FBXL7: variants seen among roughly 807,000 people sequenced by gnomAD.
The protein encoded by FBXL7 is F-box/LRR-repeat protein 7.
Under a neutral mutation model 38.3 loss-of-function variants are expected in FBXL7, and 12 were observed. That is an observed-to-expected ratio of 0.31 (90% CI 0.20 to 0.51). FBXL7 has a LOEUF of 0.51. FBXL7 is among the 20% of genes least tolerant of loss of function. FBXL7 has a pLI of 0.98. For synonymous variants in FBXL7, 297 were observed against 300.9 expected (o/e 0.99, Z 0.13); for missense variants, 567 against 676.4 (o/e 0.84, Z 1.79).
chr5:15,774,198 C>T (rs866231955), intron 2 of FBXL7, among the ~76,000 whole-genome samples: 12 of 151,972 alleles, frequency 7.9e-5, no homozygotes, highest in African/African-American at 2.9e-4. Context: ...TCCTATGATC[C>T]TTTTCTCACC....
intron 2 of FBXL7, among the ~76,000 whole-genome samples, chr5:15,784,297 T>G (rs2126724307): frequency 6.6e-6 from 1 of 152,234 alleles, no homozygotes; most frequent in Non-Finnish European, 1.5e-5. Flanking sequence ...GGTTTGAATT[T>G]TTGTTATTAT....
intron 2 of FBXL7, among the ~76,000 whole-genome samples, chr5:15,682,202 G>A (rs1209798120): frequency 6.6e-6 from 1 of 152,188 alleles, no homozygotes; most frequent in Admixed American, 6.5e-5. Context: ...TGAACTTGTG[G>A]CCTGCAAAAT....
intron 2 of FBXL7, among the ~76,000 whole-genome samples, chr5:15,759,948 A>C (rs1736395617): frequency 6.6e-6 from 1 of 152,224 alleles, no homozygotes; most frequent in Non-Finnish European, 1.5e-5. Context: ...AGTAAAACAA[A>C]GTATTTAACA....
At chr5:15,510,920 A>G (rs1224340288) in intron 1 of FBXL7, among the ~76,000 whole-genome samples, 1 of 152,180 alleles carries the variant, frequency 6.6e-6, no homozygotes, top group Non-Finnish European at 1.5e-5. Flanking sequence ...ACAGAAGCTT[A>G]GATGCCAACT....
chr5:15,561,772 A>G (rs946412598), intron 1 of FBXL7, among the ~76,000 whole-genome samples: 2 of 152,142 alleles, frequency 1.3e-5, no homozygotes, highest in African/African-American at 4.8e-5. Flanking sequence ...ATGGTATCTC[A>G]TTGCAGTTTT....
chr5:15,571,791 A>G (rs576922941), intron 1 of FBXL7, among the ~76,000 whole-genome samples: 15 of 152,032 alleles, frequency 9.9e-5, no homozygotes, highest in Non-Finnish European at 1.9e-4. Context: ...GCTTGCTCCC[A>G]TTGCAGAAGG....
intron 1 of FBXL7, among the ~76,000 whole-genome samples, chr5:15,581,482 G>C (rs1356891576): frequency 6.6e-6 from 1 of 152,144 alleles, no homozygotes; most frequent in Non-Finnish European, 1.5e-5. Context: ...CCTCTGTGAT[G>C]TGTTCAGCAT....
intron 2 of FBXL7, among the ~76,000 whole-genome samples, chr5:15,775,883 G>T (rs1003047455): frequency 1.3e-5 from 2 of 152,084 alleles, no homozygotes; most frequent in Non-Finnish European, 2.9e-5. Context: ...GAACACAGGG[G>T]AGCTTCTGGA....
chr5:15,512,988 C>T (rs1453436821), intron 1 of FBXL7, among the ~76,000 whole-genome samples: 1 of 152,098 alleles, frequency 6.6e-6, no homozygotes, highest in Non-Finnish European at 1.5e-5. Context: ...CTTTTAGATT[C>T]ATACTAATCA....
intron 2 of FBXL7, among the ~76,000 whole-genome samples, chr5:15,674,132 C>A (rs1390848110): frequency 6.6e-6 from 1 of 152,154 alleles, no homozygotes; most frequent in Admixed American, 6.5e-5. Context: ...AGCTTTGAAA[C>A]AGAAGTGTGA....
chr5:15,677,141 T>C (rs1203493007), intron 2 of FBXL7, among the ~76,000 whole-genome samples: 2 of 152,100 alleles, frequency 1.3e-5, no homozygotes, highest in African/African-American at 4.8e-5. Context: ...CTTTTTGGGG[T>C]AGAGAAGTAG....
At position 15,928,391 on chromosome 5, in the gene FBXL7, G is replaced by T; in HGVS notation, c.629G>T (p.Cys210Phe). The change falls in exon 3 of 4, where the codon TGC becomes TTC. Residue 210 changes from cysteine (C) to phenylalanine (F), a missense_variant. Coordinates refer to ENST00000504595, the MANE Select transcript of FBXL7 (RefSeq NM_012304.5). This position sits in a 1 kb window ranked among gnomAD's most constrained non-coding sequence, Gnocchi z 4.0. ...TDRGLYTIAQ[C>F]CPELRRLEVS... ...CGAGGGCTGTACACCATCGCCCAGT[G>T]CTGCCCCGAACTGAGGCGACTGGAA... 1 of 1,614,076 alleles carries T rather than the reference G, an allele frequency of 6.2e-7. No homozygotes were observed. The highest frequency in any genetic ancestry group is 1.3e-5 in the African/African-American group (1 of 75,074).
chr5:15,520,271 C>T (rs1737061867), intron 1 of FBXL7, among the ~76,000 whole-genome samples: 1 of 152,150 alleles, frequency 6.6e-6, no homozygotes, highest in Non-Finnish European at 1.5e-5. Context: ...CTTAGAATGC[C>T]TTAACCATCT....
At chr5:15,771,942 A>AT (rs895459131) in intron 2 of FBXL7, among the ~76,000 whole-genome samples, 8 of 151,234 alleles carry the variant, frequency 5.3e-5, no homozygotes, top group African/African-American at 1.7e-4. Flanking sequence ...TAATTTTTAT[A>AT]TTTTTTTTAG....
chr5:15,667,018 T>G (rs1431589331), intron 2 of FBXL7, among the ~76,000 whole-genome samples: 2 of 152,210 alleles, frequency 1.3e-5, no homozygotes, highest in East Asian at 3.9e-4. Flanking sequence ...GATTACTATG[T>G]GGTGAAAATT....
At chr5:15,739,118 A>G (rs1021629158) in intron 2 of FBXL7, among the ~76,000 whole-genome samples, 4 of 152,172 alleles carry the variant, frequency 2.6e-5, no homozygotes, top group South Asian at 2.1e-4. Flanking sequence ...GCTGCCTGCA[A>G]GTCCTTCCAC....
chr5:15,591,195 C>G (rs28624806), intron 1 of FBXL7, among the ~76,000 whole-genome samples: 6 of 151,890 alleles, frequency 4.0e-5, no homozygotes, highest in Admixed American at 2.6e-4. Flanking sequence ...TTTGGGAGGC[C>G]GAGGCGGGTG....
At chr5:15,875,193 G>A (rs1448982493) in intron 2 of FBXL7, among the ~76,000 whole-genome samples, 1 of 152,160 alleles carries the variant, frequency 6.6e-6, no homozygotes, top group African/African-American at 2.4e-5. Context: ...ATGGTGCTAG[G>A]AAAATTGGCT....
chr5:15,725,751 T>C (rs1744328277), intron 2 of FBXL7, among the ~76,000 whole-genome samples: 1 of 152,152 alleles, frequency 6.6e-6, no homozygotes, highest in Non-Finnish European at 1.5e-5. Flanking sequence ...ATTCTCTGCC[T>C]CAGCCTTCCA....
Sources: gnomAD v4.1 joint callset for allele counts (sites outside exome capture counted in the v4.1 genomes callset) on GRCh38, gnomAD v4.1.1 for gene constraint, Gnocchi (gnomAD v3.1) non-coding constraint, MANE v1.5 for transcripts, NCBI Gene and HGNC (gene_info 2026-07-23, HGNC 2026-07-21) for gene names.